GFRA2: variants seen among roughly 807,000 people sequenced by gnomAD.
GFRA2 encodes the protein GDNF family receptor alpha-2.
A neutral mutation model predicts 48.3 loss-of-function variants in GFRA2; 17 were observed. The observed-to-expected ratio is 0.35, with a 90% CI of 0.24 to 0.53. The LOEUF is 0.53. Among genes scored for constraint, GFRA2 ranks in the 20% least tolerant of loss-of-function variants. The pLI is 0.93. For synonymous variants in GFRA2, 305 were observed against 257.2 expected (o/e 1.19, Z -1.78); for missense variants, 660 against 637.3 (o/e 1.04, Z -0.38).
intron 4 of GFRA2, among the ~76,000 whole-genome samples, 164 bp from the exon 5 acceptor site, chr8:21,706,205 G>A (rs1046685716): frequency 6.6e-6 from 1 of 152,188 alleles, no homozygotes; most frequent in Admixed American, 6.5e-5. Flanking sequence ...CTTTGTGGGG[G>A]CTCAATCTGT....
chr8:21,720,785 C>T (rs1245279945), intron 4 of GFRA2, among the ~76,000 whole-genome samples: 14 of 152,182 alleles, frequency 9.2e-5, no homozygotes. Flanking sequence ...CTTGTCCCAA[C>T]TCTAATCATG....
chr8:21,728,611 A>C (rs1239916041), intron 4 of GFRA2, among the ~76,000 whole-genome samples: 1 of 152,088 alleles, frequency 6.6e-6, no homozygotes, highest in African/African-American at 2.4e-5. Flanking sequence ...TGATGGATGG[A>C]GATGTGGCGT....
At chr8:21,798,884 T>G (rs918099227) in intron 2 of GFRA2, among the ~76,000 whole-genome samples, 4 of 152,216 alleles carry the variant, frequency 2.6e-5, no homozygotes, top group African/African-American at 9.6e-5. Flanking sequence ...TTCTCTTAGC[T>G]CTTCTTGCAC....
chr8:21,693,450 G>C (rs372620094), intron 8 of GFRA2, 50 bp from the exon 9 acceptor site: 3 of 1,546,582 alleles, frequency 1.9e-6, no homozygotes, highest in African/African-American at 2.7e-5. Context: ...TGAAAACAAA[G>C]AAAACAGTCA....
intron 4 of GFRA2, among the ~76,000 whole-genome samples, chr8:21,710,283 C>T (rs1802952968): frequency 2.0e-5 from 3 of 152,214 alleles, no homozygotes; most frequent in Admixed American, 2.0e-4. Flanking sequence ...CTTGGAATGG[C>T]AGGCGCCCGA....
intron 3 of GFRA2, among the ~76,000 whole-genome samples, chr8:21,762,302 A>G (rs1205487287): frequency 2.0e-5 from 3 of 152,208 alleles, no homozygotes. Context: ...GACCAATAGC[A>G]GAGCCTTGCC....
chr8:21,746,942 A>G (rs531186317), intron 4 of GFRA2, among the ~76,000 whole-genome samples: 1 of 152,086 alleles, frequency 6.6e-6, no homozygotes, highest in Non-Finnish European at 1.5e-5. Flanking sequence ...CCATTGTCAC[A>G]TTATCCACCC....
intron 1 of GFRA2, among the ~76,000 whole-genome samples, chr8:21,787,821 G>C (rs986698583): frequency 6.6e-6 from 1 of 152,128 alleles, no homozygotes. Flanking sequence ...GGGGAGATGC[G>C]CGCTATACTG....
At chr8:21,772,713 A>G (rs946436073) in intron 3 of GFRA2, among the ~76,000 whole-genome samples, 95 of 152,304 alleles carry the variant, frequency 6.2e-4, no homozygotes, top group African/African-American at 2.0e-3. Context: ...GGCAGCAGGT[A>G]AAAGGGGGCT....
intron 4 of GFRA2, among the ~76,000 whole-genome samples, chr8:21,728,978 C>G (rs911006325): frequency 6.6e-6 from 1 of 152,198 alleles, no homozygotes; most frequent in Non-Finnish European, 1.5e-5. Flanking sequence ...GGCATTTAGG[C>G]CTGTGCCCGA....
intron 2 of GFRA2, chr8:21,779,435 A>T (rs1199262884): frequency 6.6e-6 from 1 of 152,186 alleles, no homozygotes; most frequent in Non-Finnish European, 1.5e-5. Context: ...GTTCTGGGTG[A>T]CATTTCTGTC....
chr8:21,750,512 T>C lies in GFRA2; in HGVS notation c.794+76A>G. The C allele has an allele frequency of 1.3e-6, 1 of 793,728 alleles. No individual in the cohort carries two copies. Among genetic ancestry groups the C allele is most frequent in the Non-Finnish European group, 2.1e-6 (1 of 487,614 alleles). The allele number at this position is 793,728 out of a possible 1,614,324, so 49.2% of individuals were successfully genotyped here. On this transcript the variant is annotated intron_variant, in intron 4 of 8. Transcript: ENST00000524240. The surrounding 1 kb of genome is among the most constrained non-coding windows in gnomAD (Gnocchi z 5.7). ...GTCATAATTCGATGCACCCAAGGAA[T>C]GCAGAGAAAGGAAAACACAGCCTGG...
At chr8:21,701,659 C>T (rs1019289647) in intron 7 of GFRA2, among the ~76,000 whole-genome samples, 3 of 152,148 alleles carry the variant, frequency 2.0e-5, no homozygotes, top group Non-Finnish European at 4.4e-5. Context: ...CCTCCATTGA[C>T]CAAGCACTTT....
At chr8:21,707,430 G>T (rs1449086368) in intron 4 of GFRA2, among the ~76,000 whole-genome samples, 1 of 152,236 alleles carries the variant, frequency 6.6e-6, no homozygotes, top group Non-Finnish European at 1.5e-5. Context: ...TCCACCGGAA[G>T]GTGCTGGTGC....
chr8:21,766,629 C>T (rs1806166961), intron 3 of GFRA2, among the ~76,000 whole-genome samples: 2 of 151,054 alleles, frequency 1.3e-5, no homozygotes, highest in Admixed American at 6.6e-5. Context: ...ATGCCCCTCC[C>T]CCTTGAGCCC....
At chr8:21,752,653 C>A (rs1480819025) in intron 3 of GFRA2, among the ~76,000 whole-genome samples, 1 of 152,116 alleles carries the variant, frequency 6.6e-6, no homozygotes, top group Non-Finnish European at 1.5e-5. Flanking sequence ...TATCTGTCTA[C>A]CTGCCAACTC....
chr8:21,728,794 G>A (rs987722127), intron 4 of GFRA2, among the ~76,000 whole-genome samples: 10 of 152,172 alleles, frequency 6.6e-5, no homozygotes, highest in Non-Finnish European at 8.8e-5. Context: ...TCTAAGAGTG[G>A]GGACCTCAAA....
chr8:21,756,612 T>C (rs1805583043), intron 3 of GFRA2, among the ~76,000 whole-genome samples: 1 of 152,218 alleles, frequency 6.6e-6, no homozygotes, highest in Non-Finnish European at 1.5e-5. Context: ...CTGTCCCTCC[T>C]GTCAGGAAGG....
intron 4 of GFRA2, among the ~76,000 whole-genome samples, chr8:21,730,351 C>T (rs965468192): frequency 6.6e-6 from 1 of 151,902 alleles, no homozygotes; most frequent in African/African-American, 2.4e-5. Context: ...TGCAGCGAGC[C>T]GAGATAGTGC....
Sources: allele counts gnomAD v4.1 joint callset (sites outside exome capture counted in the v4.1 genomes callset), GRCh38; gene constraint gnomAD v4.1.1; non-coding constraint Gnocchi (gnomAD v3.1); transcripts MANE v1.5; gene names NCBI Gene and HGNC (gene_info 2026-07-23, HGNC 2026-07-21).